Variants in IGFBP2 observed in about 807,000 individuals in gnomAD.
IGFBP2 encodes the protein insulin-like growth factor-binding protein 2.
IGFBP2 carries 12 observed loss-of-function variants against 26.2 expected under a neutral mutation model. That is an observed-to-expected ratio of 0.46 (90% CI 0.29 to 0.74). IGFBP2 has a LOEUF of 0.74. IGFBP2 is among the 30% of genes least tolerant of loss of function. The pLI, the probability that IGFBP2 is intolerant of heterozygous loss-of-function variation, is 0.09. For synonymous variants in IGFBP2, 189 were observed against 200.6 expected (o/e 0.94, Z 0.49); for missense variants, 328 against 441.2 (o/e 0.74, Z 2.30).
At chr2:216,634,427 A>G (rs1308031933) in intron 1 of IGFBP2, among the ~76,000 whole-genome samples, 1 of 152,116 alleles carries the variant, frequency 6.6e-6, no homozygotes, top group African/African-American at 2.4e-5. Flanking sequence ...AGAGGGAGCT[A>G]GGAGGAGGCA....
intron 1 of IGFBP2, among the ~76,000 whole-genome samples, chr2:216,647,089 A>G (rs573852057): frequency 3.5e-4 from 54 of 152,376 alleles, no homozygotes; most frequent in African/African-American, 1.2e-3. Flanking sequence ...GCAAATAAAC[A>G]GGTAGCTCTT....
chr2:216,636,935 G>T (rs1697509866), intron 1 of IGFBP2, among the ~76,000 whole-genome samples: 1 of 147,678 alleles, frequency 6.8e-6, no homozygotes, highest in Admixed American at 6.7e-5. Context: ...AGGCGGGCGG[G>T]CGGGCGGGCG....
chr2:216,642,392 G>A (rs980914016), intron 1 of IGFBP2, among the ~76,000 whole-genome samples: 8 of 143,324 alleles, frequency 5.6e-5, no homozygotes, highest in Non-Finnish European at 9.0e-5. Context: ...CTGCAAGCCC[G>A]CCTCCTGGGG....
At chr2:216,652,422 C>T (rs546936813) in intron 1 of IGFBP2, among the ~76,000 whole-genome samples, 62 of 152,292 alleles carry the variant, frequency 4.1e-4, no homozygotes, top group Non-Finnish European at 7.2e-4. Context: ...GTGATCTGCC[C>T]GCCTCGGCCT....
chr2:216,638,132 G>C (rs1173579018), intron 1 of IGFBP2, among the ~76,000 whole-genome samples: 4 of 151,978 alleles, frequency 2.6e-5, no homozygotes, highest in African/African-American at 9.7e-5. Context: ...AGCTTGCAGT[G>C]AGCTGGGATT....
At chr2:216,644,574 G>A (rs1697675528) in intron 1 of IGFBP2, among the ~76,000 whole-genome samples, 1 of 152,128 alleles carries the variant, frequency 6.6e-6, no homozygotes. Flanking sequence ...TTCAGCTGGA[G>A]TGATTCAGGT....
chr2:216,660,598 C>T lies in IGFBP2; in HGVS notation c.484C>T (p.His162Tyr). 6.2e-7 allele frequency: 1 copy of T among 1,613,486 alleles called. No homozygotes were observed. Among genetic ancestry groups the T allele is most frequent in the Non-Finnish European group, 8.5e-7 (1 of 1,179,710 alleles). ...CTCAGAAGGAGGCCTGGTGGAGAAC[C>T]ACGTGGACAGCACCATGAACATGTT... ...DHSEGGLVEN[H>Y]VDSTMNMLGG... The change falls in exon 2 of 4, where the codon CAC (histidine) becomes TAC (tyrosine). Residue 162 changes from histidine (H) to tyrosine (Y), a missense_variant. Transcript: ENST00000233809.
intron 1 of IGFBP2, among the ~76,000 whole-genome samples, chr2:216,656,423 G>A (rs536912200): frequency 3.9e-5 from 6 of 152,302 alleles, no homozygotes; most frequent in African/African-American, 1.4e-4. Context: ...GGGGCCTGGA[G>A]CCATTTCAGC....
intron 1 of IGFBP2, among the ~76,000 whole-genome samples, chr2:216,652,259 C>T (rs1392902095): frequency 1.1e-4 from 17 of 151,020 alleles, no homozygotes; most frequent in African/African-American, 1.7e-4. Context: ...CTGCAACCTC[C>T]GCTTCCCGGG....
chr2:216,640,052 C>T (rs983780375), intron 1 of IGFBP2, among the ~76,000 whole-genome samples: 1 of 152,168 alleles, frequency 6.6e-6, no homozygotes, highest in African/African-American at 2.4e-5. Flanking sequence ...ATGCTGTCCT[C>T]TTTGTCCCTG....
chr2:216,655,902 C>CAAAAA (rs200162837), intron 1 of IGFBP2, among the ~76,000 whole-genome samples: 4 of 126,872 alleles, frequency 3.2e-5, no homozygotes, highest in African/African-American at 1.1e-4. Flanking sequence ...CTCAAAAAAA[C>CAAAAA]AAAAAAAAAA....
chr2:216,636,409 C>T (rs1697496737), intron 1 of IGFBP2, among the ~76,000 whole-genome samples: 1 of 151,366 alleles, frequency 6.6e-6, no homozygotes, highest in Admixed American at 6.6e-5. Flanking sequence ...TCCCGGGACT[C>T]AGGGGCTGTG....
intron 1 of IGFBP2, among the ~76,000 whole-genome samples, chr2:216,642,301 C>A (rs1427138595): frequency 7.4e-6 from 1 of 134,298 alleles, no homozygotes; most frequent in Non-Finnish European, 1.6e-5. Flanking sequence ...TCTGGCTAGG[C>A]TTGCATTTTT....
In IGFBP2 at chr2:216,662,008, G is replaced by T. The variant is rs780132099; in HGVS notation, c.813+10G>T. 3 of 1,613,682 alleles carry T rather than the reference G, an allele frequency of 1.9e-6. No homozygotes were observed. The South Asian group carries it at 3.3e-5, about 18-fold the overall frequency. On this transcript the variant is annotated intron_variant, in intron 3 of 3. Coordinates refer to ENST00000233809, the MANE Select transcript of IGFBP2 (RefSeq NM_000597.3). ...GTACAACCTCAAACAGGTGAGCATG[G>T]TGCCAGCCTGGGCCAGAGCAGCTCC...
intron 1 of IGFBP2, among the ~76,000 whole-genome samples, chr2:216,658,227 C>A (rs563497505): frequency 2.0e-4 from 31 of 152,220 alleles, no homozygotes; most frequent in African/African-American, 7.2e-4. Flanking sequence ...CTGCGGTGGC[C>A]TTGGAAACCA....
At position 216,633,626 on chromosome 2, in the gene IGFBP2, C is replaced by T; in HGVS notation, c.103C>T (p.Arg35Cys). The T allele has an allele frequency of 9.8e-7, 1 of 1,019,662 alleles. No homozygotes were observed. Among genetic ancestry groups the T allele is most frequent in the Non-Finnish European group, 1.2e-6 (1 of 854,940 alleles). 63.2% of individuals were successfully genotyped at this position (1,019,662 alleles called of 1,614,324 possible). A position where few individuals can be genotyped will look rare whatever the true frequency, so the allele number is the denominator to read the frequency against. The part of the protein sequence containing the change: ...LGASGGGGGA[R>C]AEVLFRCPPC... ...CGCGAGTGGCGGCGGCGGCGGGGCG[C>T]GCGCGGAGGTGCTGTTCCGCTGCCC... Residue 35 changes from arginine to cysteine, a missense_variant, in exon 1 of 4, where the codon CGC becomes TGC. Coordinates refer to ENST00000233809, the MANE Select transcript of IGFBP2 (RefSeq NM_000597.3).
At chr2:216,649,616 C>T (rs1218064448) in intron 1 of IGFBP2, among the ~76,000 whole-genome samples, 2 of 152,204 alleles carry the variant, frequency 1.3e-5, no homozygotes, top group Non-Finnish European at 2.9e-5. Context: ...TGCTGTTTGC[C>T]ATCTTGATAT....
chr2:216,659,802 G>A (rs1697997603), intron 1 of IGFBP2: 1 of 1,384,730 alleles, frequency 7.2e-7, no homozygotes, highest in Admixed American at 2.0e-5. Context: ...GGGGCTCTCA[G>A]TATAATGGGG....
At chr2:216,659,876 G>A in intron 1 of IGFBP2, 1 of 778,508 alleles carries the variant, frequency 1.3e-6, no homozygotes, top group Non-Finnish European at 2.2e-6. Flanking sequence ...AGCTGTAGCT[G>A]CCTCGGAGCA....
Sources: gnomAD v4.1 joint callset for allele counts (sites outside exome capture counted in the v4.1 genomes callset) on GRCh38, gnomAD v4.1.1 for gene constraint, MANE v1.5 for transcripts, NCBI Gene and HGNC (gene_info 2026-07-23, HGNC 2026-07-21) for gene names.